PCSK5: variants seen among roughly 807,000 people sequenced by gnomAD.
PCSK5 encodes prohormone convertase 5.
PCSK5 carries 129 observed loss-of-function variants against 233.2 expected under a neutral mutation model. The ratio of observed to expected loss-of-function variants is 0.55; its 90% CI spans 0.48 to 0.64. PCSK5 has a LOEUF of 0.64. PCSK5 is among the 30% of genes least tolerant of loss of function. PCSK5 has a pLI of 0.00. For synonymous variants in PCSK5, 825 were observed against 879.2 expected (o/e 0.94, Z 1.09); for missense variants, 2,076 against 2,430.1 (o/e 0.85, Z 3.06).
At chr9:76,077,948 G>A (rs1305736025) in intron 7 of PCSK5, among the ~76,000 whole-genome samples, 1 of 152,184 alleles carries the variant, frequency 6.6e-6, no homozygotes, top group Non-Finnish European at 1.5e-5. Flanking sequence ...AGGTTGAACG[G>A]TAGCTCTGTT....
intron 35 of PCSK5, among the ~76,000 whole-genome samples, chr9:76,347,692 A>T (rs1587362050): frequency 6.6e-6 from 1 of 151,166 alleles, no homozygotes; most frequent in Non-Finnish European, 1.5e-5. Context: ...GGAGATCAAG[A>T]CCAGCCTGGC....
At chr9:75,916,717 T>C (rs940390559) in intron 1 of PCSK5, among the ~76,000 whole-genome samples, 1 of 152,058 alleles carries the variant, frequency 6.6e-6, no homozygotes, top group African/African-American at 2.4e-5. Context: ...TGTTAGGGGA[T>C]GATGTTAGAC....
chr9:76,150,846 CAG>C (rs1291012694), intron 10 of PCSK5, among the ~76,000 whole-genome samples: 1 of 152,078 alleles, frequency 6.6e-6, no homozygotes, highest in African/African-American at 2.4e-5. Flanking sequence ...GGGAATAAGA[CAG>C]AGGAAGAAGT....
chr9:76,280,779 C>T (rs1827839277), intron 24 of PCSK5, among the ~76,000 whole-genome samples: 1 of 151,874 alleles, frequency 6.6e-6, no homozygotes, highest in Non-Finnish European at 1.5e-5. Context: ...AAATCTAGGT[C>T]TCTGGCACCA....
At chr9:76,251,294 T>G (rs907187699) in intron 24 of PCSK5, among the ~76,000 whole-genome samples, 1 of 151,058 alleles carries the variant, frequency 6.6e-6, no homozygotes, top group African/African-American at 2.4e-5. Flanking sequence ...CCAGGCGCGG[T>G]GGCTCACGCC....
intron 9 of PCSK5, among the ~76,000 whole-genome samples, chr9:76,124,572 C>T (rs1832767478): frequency 6.6e-6 from 1 of 151,560 alleles, no homozygotes; most frequent in Non-Finnish European, 1.5e-5. Flanking sequence ...TGGTGAAACC[C>T]CATCTCTACT....
intron 12 of PCSK5, 106 bp from the exon 13 acceptor site, chr9:76,169,598 C>A: frequency 1.0e-6 from 1 of 970,640 alleles, no homozygotes; most frequent in Non-Finnish European, 1.6e-6. Flanking sequence ...CTCTAGTGCC[C>A]AGCTGAACTT....
intron 26 of PCSK5, 113 bp from the exon 27 acceptor site, chr9:76,296,552 A>G: frequency 1.5e-6 from 1 of 676,936 alleles, no homozygotes; most frequent in Non-Finnish European, 2.6e-6. Flanking sequence ...CAAAAATAAT[A>G]ATAAAAACAA....
rs543164968 is a variant in PCSK5, at chr9:75,930,489, ATAT to A, written c.193-1882_193-1880del. ...ATGGTGTGAATAAAAGTTTAATACAATATTATTATTCTGATTTACTTTTAAAAA... is the reference window on the plus strand; with the variant it reads ...ATGGTGTGAATAAAAGTTTAATACAATATTATTCTGATTTACTTTTAAAAA... On this transcript the variant is annotated intron_variant, in intron 1 of 37. Coordinates refer to ENST00000674117, the MANE Select transcript of PCSK5 (RefSeq NM_001372043.1). Among the ~76,000 whole-genome samples, 9 of 152,280 alleles carry A rather than the reference ATAT, an allele frequency of 5.9e-5. 1 individual carries two copies. In the South Asian group the frequency reaches 1.7e-3, roughly 28 times the overall value.
chr9:76,000,908 C>T (rs746269102), intron 3 of PCSK5, among the ~76,000 whole-genome samples: 4 of 151,182 alleles, frequency 2.6e-5, no homozygotes, highest in Admixed American at 6.6e-5. Context: ...TCTCTGAGAC[C>T]CTTTGTTCCT....
intron 20 of PCSK5, among the ~76,000 whole-genome samples, chr9:76,214,566 C>T (rs553513386): frequency 1.3e-4 from 20 of 152,180 alleles, no homozygotes; most frequent in Admixed American, 7.8e-4. Context: ...TCAACAACAA[C>T]AACAAAAAGC....
chr9:76,338,255 C>A lies in PCSK5; in HGVS notation c.4774C>A (p.Arg1592=), dbSNP rs184089801. The A allele has an allele frequency of 5.0e-6, 8 of 1,612,108 alleles. No homozygotes were observed. In the African/African-American group the frequency reaches 9.3e-5, roughly 19 times the overall value. Residue 1592 remains arginine, a synonymous_variant, in exon 35 of 38, where the codon CGG becomes AGG. Transcript: ENST00000674117. The part of the protein sequence containing the change: ...EGYYADNSTG[R]CERCNRSCKG... ...ATATTACGCAGACAACTCCACTGGC[C>A]GGTGTGAGAGGTGCAACAGGAGCTG...
intron 24 of PCSK5, among the ~76,000 whole-genome samples, chr9:76,262,335 A>G (rs1186448004): frequency 6.6e-6 from 1 of 152,210 alleles, no homozygotes; most frequent in African/African-American, 2.4e-5. Context: ...CCTAAGCCAA[A>G]AGAACAAAGC....
rs145426453 is a variant in PCSK5 at position 76,196,237 on chromosome 9, C to T, written c.2626+6491C>T. ...ACCTGGTCCCATTCTTCCTGTAGTG[C>T]GCAGCACACCCACTAGTATGTGTCT... On this transcript the variant is annotated intron_variant, in intron 20 of 37. Transcript: ENST00000674117. Among the ~76,000 whole-genome samples, 122 of 152,308 alleles carry T rather than the reference C, an allele frequency of 8.0e-4. No individual in the cohort carries two copies. The East Asian group carries it at 0.014, about 17-fold the overall frequency.
chr9:76,346,266 A>G (rs1211053610), intron 35 of PCSK5, among the ~76,000 whole-genome samples: 2 of 152,162 alleles, frequency 1.3e-5, no homozygotes, highest in Non-Finnish European at 2.9e-5. Flanking sequence ...TTGTACCAGT[A>G]CCATGCTATT....
At chr9:76,026,089 A>AGAGGAAGACACTGTTT (rs1828413428) in intron 4 of PCSK5, among the ~76,000 whole-genome samples, 1 of 152,004 alleles carries the variant, frequency 6.6e-6, no homozygotes, top group South Asian at 2.1e-4. Flanking sequence ...CCTGGGTGAC[A>AGAGGAAGACACTGTTT]GAGGAAGACC....
intron 20 of PCSK5, among the ~76,000 whole-genome samples, chr9:76,211,930 G>A (rs1165872742): frequency 2.0e-5 from 3 of 152,120 alleles, no homozygotes; most frequent in African/African-American, 4.8e-5. Context: ...CACCCGCCAT[G>A]AGCATTCACC....
chr9:75,918,036 A>G (rs1823079896), intron 1 of PCSK5, among the ~76,000 whole-genome samples: 1 of 152,198 alleles, frequency 6.6e-6, no homozygotes, highest in Admixed American at 6.5e-5. Flanking sequence ...TTTCCTCAAG[A>G]TAGTTTCTCA....
chr9:76,149,284 AC>A (rs1388499805), intron 10 of PCSK5, among the ~76,000 whole-genome samples: 1 of 152,142 alleles, frequency 6.6e-6, no homozygotes. Context: ...ATCACCTCCA[AC>A]AGTGGGTGAA....
Sources: gnomAD v4.1 joint callset for allele counts (sites outside exome capture counted in the v4.1 genomes callset) on GRCh38, gnomAD v4.1.1 for gene constraint, MANE v1.5 for transcripts, NCBI Gene and HGNC (gene_info 2026-07-23, HGNC 2026-07-21) for gene names.